Variants in HCN1 observed in about 807,000 individuals in gnomAD.
The protein encoded by HCN1 is potassium/sodium hyperpolarization-activated cyclic nucleotide-gated channel 1.
A neutral mutation model predicts 78.9 loss-of-function variants in HCN1; 13 were observed. The observed-to-expected ratio is 0.16, with a 90% CI of 0.11 to 0.26. The LOEUF is 0.26. Among genes scored for constraint, HCN1 ranks in the 10% least tolerant of loss-of-function variants. The pLI is 1.00. For missense variants in HCN1, 810 were observed against 1,154.3 expected (o/e 0.70, Z 4.32); for synonymous variants, 552 against 455.5 (o/e 1.21, Z -2.70).
At chr5:45,679,327 C>A (rs150864474) in intron 1 of HCN1, among the ~76,000 whole-genome samples, 1 of 152,136 alleles carries the variant, frequency 6.6e-6, no homozygotes, top group South Asian at 2.1e-4. Context: ...TGGACTAGCA[C>A]CTGGCACCTA....
rs951542957 is a variant in HCN1, at chr5:45,256,478, G to C, written c.*5443C>G. 6 of 152,006 alleles carry C rather than the reference G, an allele frequency of 3.9e-5. No individual in the cohort carries two copies. Among genetic ancestry groups the C allele is most frequent in the African/African-American group, 1.5e-4 (6 of 41,378 alleles). 9.4% of individuals were successfully genotyped at this position (152,006 alleles called of 1,614,324 possible). A position where few individuals can be genotyped will look rare whatever the true frequency, so the allele number is the denominator to read the frequency against. The stretch of plus-strand genomic sequence containing the variant: ...GAATGTTCACCTTTGCCACTCTTTG[G>C]AGCGTGTGTGATATCTCCAATAGAA... On this transcript the variant is annotated 3_prime_UTR_variant, in exon 8 of 8. Coordinates refer to ENST00000303230, the MANE Select transcript of HCN1 (RefSeq NM_021072.4).
At chr5:45,352,317 T>C (rs1222808583) in intron 5 of HCN1, among the ~76,000 whole-genome samples, 5 of 150,938 alleles carry the variant, frequency 3.3e-5, no homozygotes, top group South Asian at 2.1e-4. Context: ...TAGGTGGGAA[T>C]TGAACAATGA....
intron 6 of HCN1, among the ~76,000 whole-genome samples, chr5:45,289,762 A>G (rs1291581291): frequency 1.3e-5 from 2 of 152,048 alleles, no homozygotes; most frequent in Non-Finnish European, 2.9e-5. Context: ...GTAACAAATT[A>G]CTATAGAGTA....
chr5:45,407,214 C>T (rs535521629), intron 3 of HCN1, among the ~76,000 whole-genome samples: 2 of 152,170 alleles, frequency 1.3e-5, no homozygotes, highest in Admixed American at 1.3e-4. Flanking sequence ...GATAATGGAG[C>T]AGAAAAATTC....
intron 2 of HCN1, among the ~76,000 whole-genome samples, chr5:45,488,555 G>A (rs1330593489): frequency 2.0e-5 from 3 of 152,012 alleles, no homozygotes; most frequent in Non-Finnish European, 4.4e-5. Context: ...AAGATATACG[G>A]CATTTTCGTA....
intron 2 of HCN1, among the ~76,000 whole-genome samples, chr5:45,557,298 G>C (rs889254781): frequency 6.6e-6 from 1 of 151,826 alleles, no homozygotes; most frequent in Non-Finnish European, 1.5e-5. Flanking sequence ...AACGGTTCTC[G>C]TCACTGAGCC....
At chr5:45,493,672 C>A (rs962362476) in intron 2 of HCN1, among the ~76,000 whole-genome samples, 26 of 151,058 alleles carry the variant, frequency 1.7e-4, no homozygotes, top group Non-Finnish European at 3.2e-4. Flanking sequence ...CATATGTATA[C>A]ATGTGCCATG....
chr5:45,428,064 C>T (rs1740387159), intron 3 of HCN1, among the ~76,000 whole-genome samples: 1 of 151,892 alleles, frequency 6.6e-6, no homozygotes, highest in Admixed American at 6.6e-5. Flanking sequence ...ATTGTTCAAG[C>T]CACTTAATAT....
intron 2 of HCN1, among the ~76,000 whole-genome samples, chr5:45,551,779 A>G (rs1743375718): frequency 6.6e-6 from 1 of 151,974 alleles, no homozygotes; most frequent in African/African-American, 2.4e-5. Context: ...GATTTATAAC[A>G]AAAACAATCT....
intron 2 of HCN1, among the ~76,000 whole-genome samples, chr5:45,583,557 C>T (rs1037493053): frequency 1.3e-5 from 2 of 152,048 alleles, no homozygotes; most frequent in Non-Finnish European, 2.9e-5. Context: ...TTATTTATTG[C>T]CTTCTACTAG....
At chr5:45,324,842 T>C (rs2111942032) in intron 5 of HCN1, among the ~76,000 whole-genome samples, 1 of 151,916 alleles carries the variant, frequency 6.6e-6, no homozygotes, top group East Asian at 1.9e-4. Context: ...AAAAAATTTT[T>C]TAAAGTTAAA....
intron 2 of HCN1, among the ~76,000 whole-genome samples, chr5:45,592,252 T>C (rs965277100): frequency 6.6e-6 from 1 of 152,116 alleles, no homozygotes; most frequent in Non-Finnish European, 1.5e-5. Context: ...TTGTTTTAAG[T>C]ATTGGAAATC....
At chr5:45,536,001 G>A (rs773457843) in intron 2 of HCN1, among the ~76,000 whole-genome samples, 13 of 152,020 alleles carry the variant, frequency 8.6e-5, no homozygotes, top group Admixed American at 5.9e-4. Context: ...TGTTTTGGTT[G>A]TTGTTTTTTA....
At chr5:45,489,590 A>C (rs1741838109) in intron 2 of HCN1, among the ~76,000 whole-genome samples, 1 of 152,156 alleles carries the variant, frequency 6.6e-6, no homozygotes, top group African/African-American at 2.4e-5. Context: ...AGCTGTGGTC[A>C]AACTGAACCT....
intron 4 of HCN1, among the ~76,000 whole-genome samples, chr5:45,355,921 ATC>A: frequency 6.6e-6 from 1 of 152,090 alleles, no homozygotes; most frequent in East Asian, 1.9e-4. Context: ...TTAGGTAGTA[ATC>A]TCTGTTAGAA....
intron 2 of HCN1, among the ~76,000 whole-genome samples, chr5:45,543,802 A>C (rs1053734695): frequency 6.6e-6 from 1 of 152,108 alleles, no homozygotes; most frequent in Non-Finnish European, 1.5e-5. Flanking sequence ...TTTCCTTTCC[A>C]GCCAGGGCTT....
At chr5:45,457,214 T>C (rs938460937) in intron 3 of HCN1, among the ~76,000 whole-genome samples, 1 of 152,092 alleles carries the variant, frequency 6.6e-6, no homozygotes, top group African/African-American at 2.4e-5. Context: ...ATCCGATATT[T>C]GAGATTCAGT....
At chr5:45,266,417 CA>C (rs1171287078) in intron 7 of HCN1, among the ~76,000 whole-genome samples, 22 of 151,536 alleles carry the variant, frequency 1.5e-4, no homozygotes, top group East Asian at 3.9e-4. Flanking sequence ...TCCAAAAATA[CA>C]AAAAAAGTGA....
intron 2 of HCN1, among the ~76,000 whole-genome samples, chr5:45,487,579 A>G (rs1193552023): frequency 6.6e-6 from 1 of 152,068 alleles, no homozygotes; most frequent in Non-Finnish European, 1.5e-5. Context: ...CACAAACATG[A>G]AAATCCACTG....
Sources: allele counts gnomAD v4.1 joint callset (sites outside exome capture counted in the v4.1 genomes callset), GRCh38; gene constraint gnomAD v4.1.1; transcripts MANE v1.5; gene names NCBI Gene and HGNC (gene_info 2026-07-23, HGNC 2026-07-21).